The following EGLN3 variants were observed in gnomAD, a reference collection of about 807,000 sequenced individuals.
EGLN3 encodes egl-9 family hypoxia inducible factor 3, also known as prolyl hydroxylase EGLN3.
Under a neutral mutation model 26.0 loss-of-function variants are expected in EGLN3, and 15 were observed. The ratio of observed to expected loss-of-function variants is 0.58; its 90% CI spans 0.39 to 0.89. The LOEUF (loss-of-function observed/expected upper bound fraction) is 0.89, where lower values mean the gene tolerates loss of function less well. Ranked by LOEUF, EGLN3 falls within the 40% of genes least tolerant of loss-of-function variation. EGLN3 has a pLI of 0.00. For missense variants in EGLN3, 238 were observed against 311.6 expected, an observed-to-expected ratio of 0.76 and a Z score of 1.78; for synonymous variants, 147 against 127.2, an observed-to-expected ratio of 1.16 and a Z score of -1.05.
intron 1 of EGLN3, among the ~76,000 whole-genome samples, chr14:33,940,127 C>T (rs2138822107): frequency 6.6e-6 from 1 of 152,324 alleles, no homozygotes; most frequent in South Asian, 2.1e-4. Context: ...ATTGACCCTA[C>T]TTGTCCAAGT....
At chr14:33,934,809 AAT>A (rs1314689752) in intron 1 of EGLN3, among the ~76,000 whole-genome samples, 136 of 152,372 alleles carry the variant, frequency 8.9e-4, no homozygotes, top group African/African-American at 3.1e-3. Context: ...AACAAGTTAT[AAT>A]AAAGTGGCAT....
chr14:33,929,308 C>T, intron 2 of EGLN3, 96 bp from the exon 3 acceptor site: 2 of 1,459,788 alleles, frequency 1.4e-6, no homozygotes, highest in Non-Finnish European at 9.3e-7. Flanking sequence ...CATCTGCTAA[C>T]CACCACTCCA....
intron 1 of EGLN3, chr14:33,949,172 A>C (rs1037042692): frequency 2.0e-5 from 3 of 152,162 alleles, no homozygotes; most frequent in African/African-American, 7.2e-5. Flanking sequence ...TGGAAGTTGT[A>C]CGGCAAACTG....
At chr14:33,939,471 A>G (rs2138821544) in intron 1 of EGLN3, among the ~76,000 whole-genome samples, 1 of 152,116 alleles carries the variant, frequency 6.6e-6, no homozygotes, top group South Asian at 2.1e-4. Flanking sequence ...CGGCCGCCCA[A>G]AGTGCTGGGA....
intron 1 of EGLN3, 150 bp downstream of exon 1, chr14:33,950,246 G>C: frequency 1.3e-6 from 1 of 743,240 alleles, no homozygotes; most frequent in Admixed American, 2.0e-5. Context: ...GCGAGGGGTG[G>C]GGGGAAGCAG....
intron 2 of EGLN3, among the ~76,000 whole-genome samples, 158 bp from the exon 3 acceptor site, chr14:33,929,370 G>A (rs2138810948): frequency 6.6e-6 from 1 of 152,322 alleles, no homozygotes; most frequent in African/African-American, 2.4e-5. Context: ...GTACCAATTT[G>A]AGATGGAGTT....
At chr14:33,940,133 C>T (rs1365059918) in intron 1 of EGLN3, among the ~76,000 whole-genome samples, 2 of 152,124 alleles carry the variant, frequency 1.3e-5, no homozygotes. Flanking sequence ...CCTACTTGTC[C>T]AAGTCATCTT....
At position 33,927,036 on chromosome 14, in the gene EGLN3, G is replaced by A. The variant is rs1229119593; in HGVS notation, c.615-3C>T. ...AGTACCAGACAGTCATAGCATATCT[G>A]TGAAAGATAAGCAGATATAAGGAAA... On this transcript the variant is annotated splice_polypyrimidine_tract_variant and splice_region_variant and intron_variant, in intron 3 of 4. Coordinates refer to ENST00000250457, the MANE Select transcript of EGLN3 (RefSeq NM_022073.4). 1 of 1,586,888 alleles carries A rather than the reference G, an allele frequency of 6.3e-7. No individual in the cohort carries two copies. Among genetic ancestry groups the A allele is most frequent in the Non-Finnish European group, 8.6e-7 (1 of 1,166,670 alleles).
intron 1 of EGLN3, among the ~76,000 whole-genome samples, chr14:33,936,429 G>A (rs1044249672): frequency 6.6e-6 from 1 of 151,998 alleles, no homozygotes; most frequent in Non-Finnish European, 1.5e-5. Context: ...GTCAGCTGTG[G>A]GTAGAGGAGC....
At chr14:33,929,539 A>G (rs144047549) in intron 2 of EGLN3, among the ~76,000 whole-genome samples, 1,877 of 152,252 alleles carry the variant, frequency 0.012, 36 homozygotes, top group African/African-American at 0.042. Context: ...TTTAGTAGAG[A>G]CGGGGTTTCC....
chr14:33,950,952 CCAG>C lies in EGLN3; in HGVS notation c.-203_-201del. On this transcript the variant is annotated 5_prime_UTR_variant, in exon 1 of 5. Coordinates refer to ENST00000250457, the MANE Select transcript of EGLN3 (RefSeq NM_022073.4). ...GGGAGAAGGGATCTGCCTTCGGGAACCAGCGGGAGTGGTGCGGAGCTCCACGAC... is the reference window on the plus strand; with the variant it reads ...GGGAGAAGGGATCTGCCTTCGGGAACCGGGAGTGGTGCGGAGCTCCACGAC... The C allele has an allele frequency of 1.6e-6, 1 of 606,948 alleles. No individual in the cohort carries two copies. Among genetic ancestry groups the C allele is most frequent in the South Asian group, 2.0e-5 (1 of 49,372 alleles). 37.6% of individuals were successfully genotyped at this position (606,948 alleles called of 1,614,324 possible).
At chr14:33,928,397 A>AT (rs1205875863) in intron 3 of EGLN3, among the ~76,000 whole-genome samples, 2 of 152,208 alleles carry the variant, frequency 1.3e-5, no homozygotes, top group Non-Finnish European at 2.9e-5. Flanking sequence ...TGCCCGGCTT[A>AT]TTGCTTTAGA....
intron 1 of EGLN3, among the ~76,000 whole-genome samples, chr14:33,937,754 C>T (rs2064452639): frequency 6.6e-6 from 1 of 152,236 alleles, no homozygotes; most frequent in South Asian, 2.1e-4. Flanking sequence ...AACACTGCTA[C>T]ACATGACCTC....
In EGLN3 at chr14:33,936,626, G is replaced by A. The variant is rs149488358; in HGVS notation, c.358-5411C>T. ...TAATTCATCTGAGGGAGGGGAAAGG[G>A]GATTAGTAGCTGGAACAAAGGCACT... On this transcript the variant is annotated intron_variant, in intron 1 of 4. Coordinates refer to ENST00000250457, the MANE Select transcript of EGLN3 (RefSeq NM_022073.4). Among the ~76,000 whole-genome samples, 1,031 of 151,964 alleles carry A rather than the reference G, an allele frequency of 6.8e-3. 10 individuals carry two copies. Among genetic ancestry groups the A allele is most frequent in the African/African-American group, 0.023 (972 of 41,448 alleles).
At chr14:33,943,447 A>G (rs1475399487) in intron 1 of EGLN3, among the ~76,000 whole-genome samples, 3 of 152,224 alleles carry the variant, frequency 2.0e-5, no homozygotes, top group Non-Finnish European at 4.4e-5. Context: ...TCTTAGAGCA[A>G]TATCACTTAA....
At chr14:33,947,414 A>T (rs1360962518) in intron 1 of EGLN3, among the ~76,000 whole-genome samples, 2 of 152,222 alleles carry the variant, frequency 1.3e-5, no homozygotes, top group Non-Finnish European at 2.9e-5. Flanking sequence ...CTTTCTTGGC[A>T]GGAAGCAGAA....
intron 3 of EGLN3, among the ~76,000 whole-genome samples, chr14:33,928,478 TA>T (rs1400202275): frequency 6.6e-6 from 1 of 152,204 alleles, no homozygotes; most frequent in Non-Finnish European, 1.5e-5. Flanking sequence ...AGATTGGTCC[TA>T]AACAATACTA....
intron 2 of EGLN3, among the ~76,000 whole-genome samples, chr14:33,929,510 G>T (rs768754097): frequency 2.6e-5 from 4 of 152,104 alleles, no homozygotes; most frequent in Non-Finnish European, 4.4e-5. Context: ...GCACCACCAT[G>T]CCCAGTTAAT....
chr14:33,935,794 A>G (rs923992328), intron 1 of EGLN3, among the ~76,000 whole-genome samples: 5 of 152,084 alleles, frequency 3.3e-5, no homozygotes, highest in African/African-American at 1.2e-4. Flanking sequence ...AATGCCATCC[A>G]CATTCCAATT....
Sources: allele counts gnomAD v4.1 joint callset (sites outside exome capture counted in the v4.1 genomes callset), GRCh38; gene constraint gnomAD v4.1.1; transcripts MANE v1.5; gene names NCBI Gene and HGNC (gene_info 2026-07-23, HGNC 2026-07-21).